Variants in HMCN2 observed in about 807,000 individuals in gnomAD.
The protein encoded by HMCN2 is hemicentin-2.
A neutral mutation model predicts 377.5 loss-of-function variants in HMCN2; 325 were observed. That is an observed-to-expected ratio of 0.86 (90% confidence interval 0.79 to 0.94). HMCN2 has a LOEUF of 0.94. Ranked by LOEUF, HMCN2 falls within the 40% of genes least tolerant of loss-of-function variation. The pLI is 0.00. For synonymous variants in HMCN2, 2,007 were observed against 2,046.8 expected (o/e 0.98, Z 0.53); for missense variants, 4,543 against 4,725.3 (o/e 0.96, Z 1.13).
In HMCN2 at chr9:130,321,594, C is replaced by T. The variant is rs1008405480; in HGVS notation, c.2776-193C>T. Among the ~76,000 whole-genome samples the T allele has an allele frequency of 2.4e-3, 369 of 152,224 alleles. 1 individual carries two copies. The highest frequency in any genetic ancestry group is 8.6e-3 in the African/African-American group (356 of 41,538). On this transcript the variant is annotated intron_variant, in intron 18 of 97. Transcript: ENST00000683500. ...TAGGGGTCAGGCCCACCCAGCCCTG[C>T]AGGGTCTCTGGAGGGCTTGACTGGG...
Position 130,284,631 on chromosome 9 carries a change from C to G in HMCN2, c.288C>G (p.Asp96Glu), listed in dbSNP as rs1395816343. ...PDIGPVTLTA[D>E]PTVFQRELRE... is the part of the protein sequence containing the mutation. ...TTGGCCCAGTGACCCTCACGGCGGA[C>G]CCCACAGTGTTTCAGAGGGAGCTGA... is the stretch of plus-strand genomic sequence containing the variant. Residue 96 changes from aspartate to glutamate, a missense_variant, in exon 2 of 98, where the codon GAC becomes GAG. This residue lies in a region of HMCN2 where 547 missense variants were observed against 189.9 expected (regional missense o/e 2.88). Transcript: ENST00000683500. 2.1e-6 allele frequency: 1 copy of G among 471,098 alleles called. No homozygotes were observed. Among genetic ancestry groups the G allele is most frequent in the African/African-American group, 2.0e-5 (1 of 50,090 alleles). The allele number at this position is 471,098 out of a possible 1,614,324, so 29.2% of individuals were successfully genotyped here.
intron 89 of HMCN2, 136 bp downstream of exon 89, chr9:130,425,266 T>A: frequency 1.9e-6 from 2 of 1,042,348 alleles, no homozygotes; most frequent in Non-Finnish European, 1.3e-6. Flanking sequence ...AGTCTAGCCT[T>A]GGACTTAGGG....
intron 85 of HMCN2, among the ~76,000 whole-genome samples, chr9:130,416,100 ATTTTT>A (rs34382467): frequency 7.6e-6 from 1 of 130,734 alleles, no homozygotes; most frequent in Admixed American, 8.1e-5. Flanking sequence ...TAGAGGCTTT[ATTTTT>A]TTTTTTTTTT....
chr9:130,309,871 A>G (rs782265568), intron 14 of HMCN2, 41 bp from the exon 15 acceptor site: 2 of 433,934 alleles, frequency 4.6e-6, no homozygotes, highest in Non-Finnish European at 9.7e-6. Flanking sequence ...CCTCCATGGT[A>G]CCAGGGACAC....
intron 19 of HMCN2, among the ~76,000 whole-genome samples, chr9:130,324,105 G>A (rs1366352276): frequency 3.9e-5 from 6 of 152,170 alleles, no homozygotes; most frequent in Non-Finnish European, 8.8e-5. Context: ...CACTATCACC[G>A]CTATCCATCT....
In HMCN2 at chr9:130,366,012, C is replaced by A; in HGVS notation, c.6625+17C>A. On this transcript the variant is annotated intron_variant, in intron 43 of 97. Transcript: ENST00000683500. Reference sequence around the variant, plus strand: ...GGAAGGACGGTAGGATTGCTGCCCTCACCCAGCCCCACCTCATTGCCAGGC... The same window carrying A: ...GGAAGGACGGTAGGATTGCTGCCCTAACCCAGCCCCACCTCATTGCCAGGC... 1 of 986,046 alleles carries A rather than the reference C, an allele frequency of 1.0e-6. No individual in the cohort carries two copies. Among genetic ancestry groups the A allele is most frequent in the Non-Finnish European group, 1.2e-6 (1 of 830,086 alleles). The allele number at this position is 986,046 out of a possible 1,614,324, so 61.1% of individuals were successfully genotyped here. A position where few individuals can be genotyped will look rare whatever the true frequency, so the allele number is the denominator to read the frequency against.
chr9:130,354,587 A>G (rs1248097323), intron 31 of HMCN2, among the ~76,000 whole-genome samples, 176 bp from the exon 32 acceptor site: 2 of 152,056 alleles, frequency 1.3e-5, no homozygotes, highest in Non-Finnish European at 2.9e-5. Flanking sequence ...GGGGCTGAGG[A>G]GGGTGAGAAT....
At chr9:130,277,306 A>G (rs1834748044) in intron 1 of HMCN2, among the ~76,000 whole-genome samples, 1 of 152,216 alleles carries the variant, frequency 6.6e-6, no homozygotes, top group Non-Finnish European at 1.5e-5. Flanking sequence ...GCCTGCTCGG[A>G]GGGACTGCAC....
rs562994647 is a variant in HMCN2 at position 130,394,646 on chromosome 9, C to T, written c.10692+71C>T. On this transcript the variant is annotated intron_variant, in intron 69 of 97. Coordinates refer to ENST00000683500, the MANE Select transcript of HMCN2 (RefSeq NM_001291815.2). This position sits in a 1 kb window ranked among gnomAD's most constrained non-coding sequence, Gnocchi z 5.1. The stretch of plus-strand genomic sequence containing the variant: ...GGGGAGGGACTGCAGGTTCCCCAGA[C>T]CCAGTGGGCAGTTGACAAAGTTGGG... The T allele has an allele frequency of 1.7e-6, 2 of 1,156,610 alleles. No individual in the cohort carries two copies. The highest frequency in any genetic ancestry group is 2.2e-6 in the Non-Finnish European group (2 of 896,826). 71.6% of individuals were successfully genotyped at this position (1,156,610 alleles called of 1,614,324 possible).
In HMCN2 at chr9:130,353,117, G is replaced by C. The variant is rs1175478089; in HGVS notation, c.4776G>C (p.Arg1592Ser). 7.7e-7 allele frequency: 1 copy of C among 1,304,202 alleles called. No individual in the cohort carries two copies. The highest frequency in any genetic ancestry group is 1.0e-6 in the Non-Finnish European group (1 of 988,928). 80.8% of individuals were successfully genotyped at this position (1,304,202 alleles called of 1,614,324 possible). ...TRGGRQLQLG[R>S]AQSSDAGVYT... ...GCGGTCGGCAGTTGCAGCTGGGGAG[G>C]GCCCAGAGCTCCGATGCCGGCGTCT... The change falls in exon 31 of 98, where the codon AGG (arginine) becomes AGC (serine). Residue 1592 changes from arginine (R) to serine (S), a missense_variant. Around this residue, in one of 5 missense-constraint regions of HMCN2, gnomAD observed 1,032 missense variants for 1,285.1 expected, o/e 0.80. Transcript: ENST00000683500.
At position 130,370,437 on chromosome 9, in the gene HMCN2, G is replaced by A. The variant is rs1224263049; in HGVS notation, c.7070-527G>A. Among the ~76,000 whole-genome samples the A allele has an allele frequency of 2.0e-5, 3 of 152,296 alleles. No individual in the cohort carries two copies. In the East Asian group the frequency reaches 5.8e-4, roughly 29 times the overall value. On this transcript the variant is annotated intron_variant, in intron 45 of 97. Transcript: ENST00000683500. ...GAGTGGTAAGAGATAGGGTGGGAGA[G>A]GTGGGCGGGGATCAGTTTAGGGAGG...
intron 79 of HMCN2, 24 bp downstream of exon 79, chr9:130,403,352 T>TGGGAA: frequency 1.6e-6 from 2 of 1,289,378 alleles, no homozygotes; most frequent in East Asian, 5.6e-5. Context: ...GCAGCCAGCC[T>TGGGAA]GGGAAGGGAA....
At chr9:130,315,257 C>A (rs1837501032) in intron 15 of HMCN2, among the ~76,000 whole-genome samples, 1 of 8,942 alleles carries the variant, frequency 1.1e-4, no homozygotes, top group African/African-American at 4.5e-4. Context: ...CCTCCCCTTC[C>A]CCTCCCCTTC....
intron 15 of HMCN2, among the ~76,000 whole-genome samples, chr9:130,310,572 A>G (rs1837189395): frequency 6.6e-6 from 1 of 151,890 alleles, no homozygotes; most frequent in Non-Finnish European, 1.5e-5. Flanking sequence ...ACCCTGGTGC[A>G]GTGTGTGTGG....
chr9:130,395,280 T>G lies in HMCN2; in HGVS notation c.10844T>G (p.Leu3615Arg). ...VVGLAPGQLVLECSVEAEPAP... is the reference protein window; with the variant it reads ...VVGLAPGQLVRECSVEAEPAP... ...GGCCTGGCCCCAGGGCAGCTGGTCC[T>G]GGAGTGTTCGGTGGAGGCAGAGCCA... Residue 3615 changes from leucine to arginine, a missense_variant, in exon 71 of 98, where the codon CTG (leucine) becomes CGG (arginine). This residue lies in a region of HMCN2 where 1,073 missense variants were observed against 1,319.5 expected (regional missense o/e 0.81). Coordinates refer to ENST00000683500, the MANE Select transcript of HMCN2 (RefSeq NM_001291815.2). 2 of 1,289,540 alleles carry G rather than the reference T, an allele frequency of 1.6e-6. No individual in the cohort carries two copies. The highest frequency in any genetic ancestry group is 2.0e-6 in the Non-Finnish European group (2 of 988,746). 79.9% of individuals were successfully genotyped at this position (1,289,540 alleles called of 1,614,324 possible). A position where few individuals can be genotyped will look rare whatever the true frequency, so the allele number is the denominator to read the frequency against.
rs1836636857 is a variant in HMCN2, at chr9:130,303,462, G to A, written c.1422-25G>A. On this transcript the variant is annotated intron_variant, in intron 9 of 97. Transcript: ENST00000683500. This position sits in a 1 kb window ranked among gnomAD's most constrained non-coding sequence, Gnocchi z 5.2. ...TGAGTGGGGGTCAGTGTGATTGTGT[G>A]TCTCCCACTGTTCCCTGTTTGCAGG... 4 of 438,082 alleles carry A rather than the reference G, an allele frequency of 9.1e-6. No homozygotes were observed. The highest frequency in any genetic ancestry group is 4.9e-5 in the South Asian group (3 of 60,794). 27.1% of individuals were successfully genotyped at this position (438,082 alleles called of 1,614,324 possible). A position where few individuals can be genotyped will look rare whatever the true frequency, so the allele number is the denominator to read the frequency against.
At position 130,401,095 on chromosome 9, in the gene HMCN2, G is replaced by A. The variant is rs545009217; in HGVS notation, c.11770+148G>A. 2.2e-5 allele frequency: 14 copies of A among 632,846 alleles called. No individual in the cohort carries two copies. In the South Asian group the frequency reaches 2.5e-4, roughly 11 times the overall value. 39.2% of individuals were successfully genotyped at this position (632,846 alleles called of 1,614,324 possible). A position where few individuals can be genotyped will look rare whatever the true frequency, so the allele number is the denominator to read the frequency against. On this transcript the variant is annotated intron_variant, in intron 77 of 97. Coordinates refer to ENST00000683500, the MANE Select transcript of HMCN2 (RefSeq NM_001291815.2). ...CTGTGTGACCTGGGAGGACCCTCTC[G>A]CCCTCTCTGAGCTCCATATTCTCCT...
chr9:130,307,046 G>A, intron 13 of HMCN2, 108 bp downstream of exon 13: 8 of 370,704 alleles, frequency 2.2e-5, no homozygotes, highest in South Asian at 1.6e-4. Flanking sequence ...CACGCACCGG[G>A]GACACGGCAG....
intron 1 of HMCN2, among the ~76,000 whole-genome samples, chr9:130,271,805 A>G (rs1218584272): frequency 6.7e-6 from 1 of 149,156 alleles, no homozygotes; most frequent in African/African-American, 2.4e-5. Flanking sequence ...TGACAGGGCA[A>G]GGAGTTGTAT....
Sources: gnomAD v4.1 joint callset for allele counts (sites outside exome capture counted in the v4.1 genomes callset) on GRCh38, gnomAD v4.1.1 for gene constraint, gnomAD v4.1.1 regional missense constraint, Gnocchi (gnomAD v3.1) non-coding constraint, MANE v1.5 for transcripts, NCBI Gene and HGNC (gene_info 2026-07-23, HGNC 2026-07-21) for gene names.